SLC4A4: variants seen among roughly 807,000 people sequenced by gnomAD.
The protein encoded by SLC4A4 is solute carrier family 4 member 4, also known as electrogenic sodium bicarbonate cotransporter 1.
A neutral mutation model predicts 111.5 loss-of-function variants in SLC4A4; 27 were observed. The ratio of observed to expected loss-of-function variants is 0.24; its 90% CI spans 0.18 to 0.33. The LOEUF (loss-of-function observed/expected upper bound fraction) is 0.33. Among genes scored for constraint, SLC4A4 ranks in the 10% least tolerant of loss-of-function variants. The pLI is 1.00. For synonymous variants in SLC4A4, 443 were observed against 463.4 expected (o/e 0.96, Z 0.57); for missense variants, 909 against 1,315.5 (o/e 0.69, Z 4.78).
intron 6 of SLC4A4, among the ~76,000 whole-genome samples, chr4:71,370,844 G>T (rs1160904951): frequency 1.3e-5 from 2 of 152,178 alleles, no homozygotes; most frequent in Non-Finnish European, 2.9e-5. Context: ...TGTTCAGTTT[G>T]CGGATGATAT....
At chr4:71,461,981 G>C (rs1726873285) in intron 12 of SLC4A4, among the ~76,000 whole-genome samples, 1 of 152,026 alleles carries the variant, frequency 6.6e-6, no homozygotes, top group African/African-American at 2.4e-5. Flanking sequence ...ATTTACTCTG[G>C]GAAATACTGT....
chr4:71,148,839 G>A (rs1357463868), intron 2 of SLC4A4, among the ~76,000 whole-genome samples: 2 of 152,094 alleles, frequency 1.3e-5, no homozygotes, highest in African/African-American at 2.4e-5. Flanking sequence ...TTACTATTGT[G>A]AATAGTGTAC....
At chr4:71,202,839 G>A (rs1486185471) in intron 1 of SLC4A4, among the ~76,000 whole-genome samples, 2 of 152,138 alleles carry the variant, frequency 1.3e-5, no homozygotes, top group African/African-American at 4.8e-5. Flanking sequence ...CTGTCAACAA[G>A]AAATTTTGTT....
chr4:71,255,095 T>C, intron 2 of SLC4A4, 125 bp from the exon 3 acceptor site: 1 of 972,826 alleles, frequency 1.0e-6, no homozygotes, highest in Admixed American at 1.8e-5. Flanking sequence ...TTTCTAGAGT[T>C]TGCCAAATAT....
intron 2 of SLC4A4, among the ~76,000 whole-genome samples, chr4:71,146,361 C>G (rs1214199600): frequency 6.6e-6 from 1 of 152,108 alleles, no homozygotes; most frequent in Non-Finnish European, 1.5e-5. Context: ...GAGTGCTTTA[C>G]TTCCAACTAT....
intron 2 of SLC4A4, among the ~76,000 whole-genome samples, chr4:71,124,397 C>T (rs1225588260): frequency 1.3e-5 from 2 of 152,056 alleles, no homozygotes; most frequent in Non-Finnish European, 2.9e-5. Context: ...GTCTTGATCT[C>T]TTGACTATGT....
At chr4:71,081,612 G>A (rs16845719) in intron 1 of SLC4A4, among the ~76,000 whole-genome samples, 1,963 of 152,176 alleles carry the variant, frequency 0.013, 65 homozygotes, top group African/African-American at 0.045. Flanking sequence ...TAGCCCTAAA[G>A]CACAATGAGT....
At chr4:71,158,097 CTGTGTGTGTGTGTG>C (rs139897656) in intron 2 of SLC4A4, among the ~76,000 whole-genome samples, 63 of 137,172 alleles carry the variant, frequency 4.6e-4, no homozygotes, top group East Asian at 3.0e-3. Context: ...ATCCTTGACT[CTGTGTGTGTGTGTG>C]TGTGTGTGTG....
At chr4:71,450,296 A>G in intron 9 of SLC4A4, 93 bp from the exon 10 acceptor site, 2 of 898,380 alleles carry the variant, frequency 2.2e-6, no homozygotes, top group Non-Finnish European at 3.8e-6. Context: ...TTAATAGCAC[A>G]GTTGTTATGG....
At chr4:71,313,792 G>A (rs1285195421) in intron 3 of SLC4A4, among the ~76,000 whole-genome samples, 4 of 152,158 alleles carry the variant, frequency 2.6e-5, no homozygotes, top group Non-Finnish European at 5.9e-5. Context: ...AGACTTAAAT[G>A]TAAAACCTAA....
chr4:71,222,777 GT>G (rs1043620565), intron 1 of SLC4A4, among the ~76,000 whole-genome samples: 13 of 152,214 alleles, frequency 8.5e-5, no homozygotes, highest in African/African-American at 2.7e-4. Flanking sequence ...GATAAAAGTT[GT>G]TTTTCTGCTT....
chr4:71,504,382 A>G (rs1337674214), intron 16 of SLC4A4, among the ~76,000 whole-genome samples: 1 of 151,830 alleles, frequency 6.6e-6, no homozygotes, highest in Non-Finnish European at 1.5e-5. Flanking sequence ...GAACTCTTTC[A>G]TCTTCTTGAT....
At chr4:71,447,367 T>C (rs549962098) in intron 8 of SLC4A4, among the ~76,000 whole-genome samples, 69 of 152,322 alleles carry the variant, frequency 4.5e-4, no homozygotes, top group Middle Eastern at 3.4e-3. Flanking sequence ...GAATGACTCA[T>C]ATTAAGCACT....
chr4:71,200,702 A>G (rs1293572763), intron 1 of SLC4A4, among the ~76,000 whole-genome samples: 1 of 152,166 alleles, frequency 6.6e-6, no homozygotes, highest in Non-Finnish European at 1.5e-5. Context: ...GATGGGTGTA[A>G]TGTAGATGAC....
chr4:71,222,569 A>G (rs1027372436), intron 1 of SLC4A4, among the ~76,000 whole-genome samples: 4 of 152,236 alleles, frequency 2.6e-5, no homozygotes, highest in African/African-American at 9.6e-5. Context: ...GACACTCAAT[A>G]AATTGAATAA....
At chr4:71,391,272 G>T (rs1365640380) in intron 6 of SLC4A4, among the ~76,000 whole-genome samples, 2 of 151,982 alleles carry the variant, frequency 1.3e-5, no homozygotes, top group African/African-American at 4.8e-5. Context: ...AATAAAAAAA[G>T]ATTCAATTTA....
At chr4:71,513,300 A>G (rs1014397511) in intron 16 of SLC4A4, among the ~76,000 whole-genome samples, 2 of 151,960 alleles carry the variant, frequency 1.3e-5, no homozygotes, top group Non-Finnish European at 2.9e-5. Flanking sequence ...TGGCCTCTTC[A>G]TTTCATCAGT....
chr4:71,132,216 GT>G (rs990699023), intron 2 of SLC4A4, among the ~76,000 whole-genome samples: 3 of 152,000 alleles, frequency 2.0e-5, no homozygotes, highest in African/African-American at 7.2e-5. Flanking sequence ...GATTCAGCTT[GT>G]TTTTCTTGTT....
chr4:71,081,470 C>T (rs1163485889), intron 1 of SLC4A4, among the ~76,000 whole-genome samples: 2 of 152,088 alleles, frequency 1.3e-5, no homozygotes, highest in African/African-American at 4.8e-5. Context: ...TACTCCACAC[C>T]CCCACCATGG....
Sources: allele counts gnomAD v4.1 joint callset (sites outside exome capture counted in the v4.1 genomes callset), GRCh38; gene constraint gnomAD v4.1.1; transcripts MANE v1.5; gene names NCBI Gene and HGNC (gene_info 2026-07-23, HGNC 2026-07-21).